The following PKNOX2 variants were observed in gnomAD, a reference collection of about 807,000 sequenced individuals.
PKNOX2 encodes PBX/knotted 1 homeobox 2.
A neutral mutation model predicts 53.1 loss-of-function variants in PKNOX2; 14 were observed. The ratio of observed to expected loss-of-function variants is 0.26; its 90% confidence interval spans 0.17 to 0.41. The LOEUF (loss-of-function observed/expected upper bound fraction) is 0.41, where lower values mean the gene tolerates loss of function less well. PKNOX2 is among the 10% of genes least tolerant of loss of function. The pLI is 1.00. For missense variants in PKNOX2, 496 were observed against 602.8 expected (o/e 0.82, Z 1.85); for synonymous variants, 257 against 242.8 (o/e 1.06, Z -0.54).
At chr11:125,382,542 T>G (rs1300080148) in intron 5 of PKNOX2, among the ~76,000 whole-genome samples, 1 of 152,200 alleles carries the variant, frequency 6.6e-6, no homozygotes, top group African/African-American at 2.4e-5. Flanking sequence ...GCTGTTTAAA[T>G]GGCAGCAGGC....
chr11:125,193,570 C>T (rs1957004125), intron 1 of PKNOX2, among the ~76,000 whole-genome samples: 1 of 152,212 alleles, frequency 6.6e-6, no homozygotes, highest in South Asian at 2.1e-4. Flanking sequence ...GCATGAAATA[C>T]AGAGCCACTC....
chr11:125,359,970 C>T (rs184063978), intron 4 of PKNOX2, among the ~76,000 whole-genome samples: 1,934 of 152,172 alleles, frequency 0.013, 45 homozygotes, highest in African/African-American at 0.042. Flanking sequence ...GTGATCTGCC[C>T]GCCTCGGCCT....
intron 4 of PKNOX2, among the ~76,000 whole-genome samples, chr11:125,364,761 A>G (rs746604395): frequency 3.9e-5 from 6 of 152,156 alleles, no homozygotes; most frequent in Non-Finnish European, 7.3e-5. Context: ...TACATACTAC[A>G]CATCGTCAAA....
In PKNOX2 at chr11:125,268,784, C is replaced by G. The variant is rs916999185; in HGVS notation, c.-130+33669C>G. 2.0e-5 allele frequency among the ~76,000 whole-genome samples: 3 copies of G among 151,960 alleles called. No homozygotes were observed. In the South Asian group the frequency reaches 6.2e-4, roughly 32 times the overall value. On this transcript the variant is annotated intron_variant, in intron 2 of 12. Transcript: ENST00000298282. ...TGTGAGATCTGGGCTCGGACAAGCA[C>G]TTTAAACCCACAAGTTGGCTGCATC...
intron 4 of PKNOX2, among the ~76,000 whole-genome samples, chr11:125,353,907 G>A (rs1251021804): frequency 3.9e-5 from 6 of 152,286 alleles, no homozygotes; most frequent in East Asian, 3.9e-4. Flanking sequence ...CTAAGGGAAA[G>A]GAGCTAGGGC....
At chr11:125,267,388 TCTC>T (rs1945440891) in intron 2 of PKNOX2, among the ~76,000 whole-genome samples, 1 of 152,172 alleles carries the variant, frequency 6.6e-6, no homozygotes, top group South Asian at 2.1e-4. Context: ...CATGGCAGCC[TCTC>T]CTCCTGAGCT....
intron 2 of PKNOX2, among the ~76,000 whole-genome samples, chr11:125,289,493 C>T (rs1355182712): frequency 2.6e-5 from 4 of 152,314 alleles, no homozygotes; most frequent in East Asian, 3.9e-4. Context: ...ACTTTGCTAC[C>T]TCTAGCCTTA....
intron 2 of PKNOX2, among the ~76,000 whole-genome samples, chr11:125,249,494 C>T (rs1591495955): frequency 1.3e-5 from 2 of 152,222 alleles, no homozygotes; most frequent in East Asian, 3.9e-4. Context: ...AGACTTTTTT[C>T]TTGTCATTAT....
intron 1 of PKNOX2, among the ~76,000 whole-genome samples, chr11:125,186,753 A>G (rs545403031): frequency 8.9e-4 from 135 of 152,344 alleles, no homozygotes; most frequent in Non-Finnish European, 1.4e-3. Flanking sequence ...TTTGTTGCTT[A>G]TGCTTTTGAT....
At chr11:125,388,294 G>A (rs1953788577) in intron 6 of PKNOX2, among the ~76,000 whole-genome samples, 1 of 152,056 alleles carries the variant, frequency 6.6e-6, no homozygotes. Flanking sequence ...GTCATTATCA[G>A]CTCAATCAGC....
intron 2 of PKNOX2, among the ~76,000 whole-genome samples, chr11:125,320,210 T>G (rs59554112): frequency 6.2e-4 from 95 of 152,276 alleles, no homozygotes; most frequent in African/African-American, 2.2e-3. Context: ...TACCCAGTAT[T>G]CAGTCTAAAG....
At chr11:125,401,281 CAGA>C (rs1275840436) in intron 7 of PKNOX2, among the ~76,000 whole-genome samples, 1 of 152,062 alleles carries the variant, frequency 6.6e-6, no homozygotes, top group Non-Finnish European at 1.5e-5. Context: ...AACGACGGGG[CAGA>C]AGGACAGACG....
intron 3 of PKNOX2, among the ~76,000 whole-genome samples, chr11:125,346,184 G>T (rs548654112): frequency 6.6e-6 from 1 of 151,838 alleles, no homozygotes; most frequent in African/African-American, 2.4e-5. Context: ...GGACGGCTTG[G>T]GGGTGGGGGT....
chr11:125,282,549 C>T (rs941769777), intron 2 of PKNOX2, among the ~76,000 whole-genome samples: 19 of 152,128 alleles, frequency 1.2e-4, no homozygotes, highest in Non-Finnish European at 5.9e-5. Context: ...ATTTGCATTT[C>T]GAACACGTTC....
At chr11:125,279,231 G>T (rs1020996600) in intron 2 of PKNOX2, among the ~76,000 whole-genome samples, 14 of 152,170 alleles carry the variant, frequency 9.2e-5, no homozygotes, top group South Asian at 2.1e-4. Flanking sequence ...CAGTGAGCAA[G>T]GTTGTGCCTG....
intron 1 of PKNOX2, among the ~76,000 whole-genome samples, chr11:125,167,726 A>C (rs1039913238): frequency 6.6e-6 from 1 of 152,150 alleles, no homozygotes; most frequent in Non-Finnish European, 1.5e-5. Flanking sequence ...AAGTTAATGA[A>C]AGTGCTGCTT....
At chr11:125,408,904 A>G (rs1955292558) in intron 7 of PKNOX2, among the ~76,000 whole-genome samples, 1 of 152,226 alleles carries the variant, frequency 6.6e-6, no homozygotes, top group South Asian at 2.1e-4. Flanking sequence ...AAAACCGGGA[A>G]GCTGGGGCCT....
At chr11:125,222,991 G>A (rs116695192) in intron 1 of PKNOX2, among the ~76,000 whole-genome samples, 3,550 of 152,158 alleles carry the variant, frequency 0.023, 151 homozygotes, top group African/African-American at 0.08. Flanking sequence ...CGGCAGCCTG[G>A]AACCACCAAG....
At chr11:125,268,928 G>T (rs1945562823) in intron 2 of PKNOX2, among the ~76,000 whole-genome samples, 1 of 132,608 alleles carries the variant, frequency 7.5e-6, no homozygotes, top group Admixed American at 8.0e-5. Context: ...TCATAGGGGA[G>T]TTGGGGGAGA....
Sources: allele counts gnomAD v4.1 joint callset (sites outside exome capture counted in the v4.1 genomes callset), GRCh38; gene constraint gnomAD v4.1.1; transcripts MANE v1.5; gene names NCBI Gene and HGNC (gene_info 2026-07-23, HGNC 2026-07-21).